The following CUL3 variants were observed in gnomAD, a reference collection of about 807,000 sequenced individuals.
CUL3 encodes cullin-3.
CUL3 carries 19 observed loss-of-function variants against 89.1 expected under a neutral mutation model. The ratio of observed to expected loss-of-function variants is 0.21; its 90% confidence interval spans 0.15 to 0.31. The LOEUF is 0.31. Among genes scored for constraint, CUL3 ranks in the 10% least tolerant of loss-of-function variants. The pLI is 1.00. For missense variants in CUL3, 469 were observed against 942.3 expected (o/e 0.50, Z 6.58); for synonymous variants, 351 against 308.4 (o/e 1.14, Z -1.45).
At chr2:224,558,542 C>CA (rs1574694435) in intron 1 of CUL3, among the ~76,000 whole-genome samples, 2 of 152,278 alleles carry the variant, frequency 1.3e-5, no homozygotes, top group East Asian at 3.9e-4. Context: ...TTCTTGTGCT[C>CA]AAAGTGCCAA....
At chr2:224,492,715 C>T (rs1296096080) in intron 13 of CUL3, among the ~76,000 whole-genome samples, 1 of 152,164 alleles carries the variant, frequency 6.6e-6, no homozygotes, top group African/African-American at 2.4e-5. Flanking sequence ...ATTAATGCCA[C>T]CTGTTGTAGC....
intron 2 of CUL3, among the ~76,000 whole-genome samples, chr2:224,536,289 C>T (rs1693897432): frequency 6.6e-6 from 1 of 152,188 alleles, no homozygotes; most frequent in South Asian, 2.1e-4. Context: ...CTGTGCTCTG[C>T]CATTCCTTCT....
rs966044903 is a variant in CUL3 at position 224,585,069 on chromosome 2, T to C, written c.-60A>G. 7.2e-7 allele frequency: 1 copy of C among 1,380,274 alleles called. No homozygotes were observed. Among genetic ancestry groups the C allele is most frequent in the African/African-American group, 1.5e-5 (1 of 65,392 alleles). The allele number at this position is 1,380,274 out of a possible 1,614,324, so 85.5% of individuals were successfully genotyped here. On this transcript the variant is annotated 5_prime_UTR_variant, in exon 1 of 16. An upstream start codon of the reference 5' UTR is lost. Coordinates refer to ENST00000264414, the MANE Select transcript of CUL3 (RefSeq NM_003590.5). ...CGCGCTCCGCGACGCCGGTGTCACA[T>C]TTAAGGCGGGCAGGCAGGCTAGGGG...
chr2:224,500,673 C>T (rs935190621), intron 10 of CUL3, among the ~76,000 whole-genome samples, 186 bp from the exon 11 acceptor site: 18 of 150,124 alleles, frequency 1.2e-4, no homozygotes, highest in African/African-American at 4.2e-4. Flanking sequence ...TTGCCCAGGC[C>T]GGAATGCAAT....
At chr2:224,582,662 A>C (rs1426584225) in intron 1 of CUL3, among the ~76,000 whole-genome samples, 1 of 152,220 alleles carries the variant, frequency 6.6e-6, no homozygotes. Flanking sequence ...AACGAAGCTA[A>C]CAAAAAAAAA....
Position 224,472,421 on chromosome 2 carries a change from TA to T in CUL3, c.*1823del. The T allele has an allele frequency of 4.9e-6, 1 of 202,256 alleles. No homozygotes were observed. The highest frequency in any genetic ancestry group is 1.0e-5 in the Non-Finnish European group (1 of 98,580). 12.5% of individuals were successfully genotyped at this position (202,256 alleles called of 1,614,324 possible). ...TCATTTAACTGGGAAATGAAAGCAA[TA>T]AAAAAATTCTCAAACATGAACTACC... On this transcript the variant is annotated 3_prime_UTR_variant, in exon 16 of 16. Transcript: ENST00000264414.
At chr2:224,526,767 G>A (rs894554325) in intron 3 of CUL3, among the ~76,000 whole-genome samples, 9 of 146,274 alleles carry the variant, frequency 6.2e-5, no homozygotes, top group African/African-American at 2.0e-4. Flanking sequence ...AAGGCACAGC[G>A]ATCAAGTTTA....
rs941055464 is a variant in CUL3 at position 224,470,239 on chromosome 2, C to A, written c.*4006G>T. The A allele has an allele frequency of 4.6e-6, 1 of 215,532 alleles. No homozygotes were observed. Among genetic ancestry groups the A allele is most frequent in the East Asian group, 7.0e-5 (1 of 14,330 alleles). The allele number at this position is 215,532 out of a possible 1,614,324, so 13.4% of individuals were successfully genotyped here. ...AGTTGAACTGTCCTGTTATTAAAAT[C>A]TTGAAATTTGACAATTTCATTGTTA... On this transcript the variant is annotated 3_prime_UTR_variant, in exon 16 of 16. Transcript: ENST00000264414.
chr2:224,549,085 C>T (rs1367055513), intron 2 of CUL3, among the ~76,000 whole-genome samples: 1 of 152,182 alleles, frequency 6.6e-6, no homozygotes, highest in South Asian at 2.1e-4. Context: ...GAGGCCAAGG[C>T]GGGTGGATCA....
chr2:224,550,900 T>C (rs1364314803), intron 2 of CUL3, among the ~76,000 whole-genome samples: 1 of 152,114 alleles, frequency 6.6e-6, no homozygotes, highest in African/African-American at 2.4e-5. Context: ...TATAATTAAT[T>C]ACAAAGCCTT....
At chr2:224,491,014 T>C (rs1691950743) in intron 13 of CUL3, among the ~76,000 whole-genome samples, 1 of 152,182 alleles carries the variant, frequency 6.6e-6, no homozygotes, top group Non-Finnish European at 1.5e-5. Context: ...AAAAACGTGA[T>C]ATGGTATGTT....
At chr2:224,557,883 CAAAAAAAAA>C (rs748754000) in intron 1 of CUL3, 27 bp from the exon 2 acceptor site, 10 of 112,606 alleles carry the variant, frequency 8.9e-5, no homozygotes, top group Admixed American at 6.8e-4. Flanking sequence ...AGAGAAGAGA[CAAAAAAAAA>C]AAAAAAAAAA....
intron 1 of CUL3, among the ~76,000 whole-genome samples, chr2:224,569,462 C>T (rs1695127789): frequency 6.6e-6 from 1 of 152,236 alleles, no homozygotes; most frequent in East Asian, 1.9e-4. Flanking sequence ...CTTTCAAAAA[C>T]CAAGTCAAGA....
At chr2:224,509,212 C>T (rs562083430) in intron 6 of CUL3, among the ~76,000 whole-genome samples, 80 of 151,970 alleles carry the variant, frequency 5.3e-4, no homozygotes, top group African/African-American at 1.8e-3. Context: ...AAAAATTAAC[C>T]CCCCCACCTT....
intron 9 of CUL3, among the ~76,000 whole-genome samples, chr2:224,503,435 T>C (rs538510543): frequency 8.5e-5 from 13 of 152,348 alleles, no homozygotes; most frequent in Non-Finnish European, 1.3e-4. Context: ...TCCATGAATG[T>C]ATCCTGACAC....
chr2:224,571,882 C>A (rs1372514656), intron 1 of CUL3, among the ~76,000 whole-genome samples: 1 of 152,154 alleles, frequency 6.6e-6, no homozygotes, highest in Non-Finnish European at 1.5e-5. Context: ...ATTTTTGGAG[C>A]TAGAATAAGC....
chr2:224,577,277 T>C (rs1207164088), intron 1 of CUL3, among the ~76,000 whole-genome samples: 1 of 152,174 alleles, frequency 6.6e-6, no homozygotes, highest in African/African-American at 2.4e-5. Flanking sequence ...TTAAAGGTTA[T>C]GCAGCTAGAG....
intron 1 of CUL3, among the ~76,000 whole-genome samples, chr2:224,579,271 G>A (rs551255489): frequency 3.3e-5 from 5 of 152,212 alleles, no homozygotes; most frequent in African/African-American, 1.2e-4. Context: ...TAATGAATCT[G>A]TTTCACTTTG....
intron 1 of CUL3, among the ~76,000 whole-genome samples, chr2:224,583,571 T>A (rs1695493858): frequency 6.6e-6 from 1 of 152,334 alleles, no homozygotes; most frequent in South Asian, 2.1e-4. Context: ...GAAAAAAGTT[T>A]GAAACATTCA....
Sources: allele counts gnomAD v4.1 joint callset (sites outside exome capture counted in the v4.1 genomes callset), GRCh38; gene constraint gnomAD v4.1.1; transcripts MANE v1.5; gene names NCBI Gene and HGNC (gene_info 2026-07-23, HGNC 2026-07-21).